The following CPLANE1 variants were observed in gnomAD, a reference collection of about 807,000 sequenced individuals.
CPLANE1 encodes ciliogenesis and planar polarity effector 1.
A neutral mutation model predicts 362.5 loss-of-function variants in CPLANE1; 263 were observed. That is an observed-to-expected ratio of 0.73 (90% CI 0.66 to 0.80). The LOEUF (loss-of-function observed/expected upper bound fraction) is 0.80, where lower values mean the gene tolerates loss of function less well. Among genes scored for constraint, CPLANE1 ranks in the 30% least tolerant of loss-of-function variants. The pLI, the probability that CPLANE1 is intolerant of heterozygous loss-of-function variation, is 0.00. For missense variants in CPLANE1, 3,461 were observed against 3,793.4 expected (o/e 0.91, Z 2.30); for synonymous variants, 1,212 against 1,302.6 (o/e 0.93, Z 1.50).
Position 37,108,350 on chromosome 5 carries a change from C to T in CPLANE1, c.9522G>A (p.Trp3174Ter). The change falls in exon 52 of 53, where the codon TGG becomes TGA. Residue 3174 changes from tryptophan to a stop codon, truncating the protein, a stop_gained. Transcript: ENST00000651892. LOFTEE classifies it high-confidence loss of function. ...YEREETVVSPWTIPSEIHKIL... is the reference protein window; with the variant it reads ...YEREETVVSP ...TCTTATGGATTTCTGAAGGTATCGTCCAGGGACTCACCACAGTCTCCTCTC... is the reference window on the plus strand; with the variant it reads ...TCTTATGGATTTCTGAAGGTATCGTTCAGGGACTCACCACAGTCTCCTCTC... 1.2e-6 allele frequency: 2 copies of T among 1,614,198 alleles called. No individual in the cohort carries two copies. The highest frequency in any genetic ancestry group is 1.7e-6 in the Non-Finnish European group (2 of 1,180,016).
chr5:37,195,762 G>C (rs1335915830), intron 21 of CPLANE1, 96 bp downstream of exon 21: 2 of 1,164,428 alleles, frequency 1.7e-6, no homozygotes, highest in South Asian at 1.7e-5. Flanking sequence ...TAAAATATCA[G>C]AGCATATTGT....
At position 37,221,320 on chromosome 5, in the gene CPLANE1, A is replaced by G. The variant is rs1430023888; in HGVS notation, c.2746+4T>C. On this transcript the variant is annotated splice_donor_region_variant and intron_variant, in intron 15 of 52. Transcript: ENST00000651892. ...AATACAAAGAAAGAAAAAAAAAAGC[A>G]TACCTGAAAAATCTTTATTTTCTTT... 1.3e-6 allele frequency: 2 copies of G among 1,486,396 alleles called. No individual in the cohort carries two copies. The highest frequency in any genetic ancestry group is 1.8e-6 in the Non-Finnish European group (2 of 1,121,160). 92.1% of individuals were successfully genotyped at this position (1,486,396 alleles called of 1,614,324 possible).
intron 16 of CPLANE1, chr5:37,210,784 A>G: frequency 7.9e-7 from 1 of 1,263,182 alleles, no homozygotes; most frequent in Non-Finnish European, 1.2e-6. Flanking sequence ...CGCCTAGCTC[A>G]GCTGGCTCCT....
At chr5:37,117,980 T>C (rs927150055) in intron 50 of CPLANE1, among the ~76,000 whole-genome samples, 5 of 152,268 alleles carry the variant, frequency 3.3e-5, no homozygotes, top group Non-Finnish European at 7.3e-5. Flanking sequence ...TTTAGATATG[T>C]ATTTAATTCT....
chr5:37,085,891 T>C, the CPLANE1 span: 2 of 865,258 alleles, frequency 2.3e-6, no homozygotes, highest in Non-Finnish European at 3.8e-6. Context: ...TTGTACATAA[T>C]TAAAAATAAT....
At chr5:37,137,491 C>T (rs1466444612) in intron 46 of CPLANE1, among the ~76,000 whole-genome samples, 1 of 152,198 alleles carries the variant, frequency 6.6e-6, no homozygotes, top group Non-Finnish European at 1.5e-5. Context: ...GGTATTTTTA[C>T]AGTAGCACCC....
Position 37,226,595 on chromosome 5 carries a change from G to T in CPLANE1, c.2000C>A (p.Thr667Asn). 6.4e-7 allele frequency: 1 copy of T among 1,551,406 alleles called. No individual in the cohort carries two copies. The highest frequency in any genetic ancestry group is 1.2e-5 in the South Asian group (1 of 84,030). ...VGHLIKLTSN[T>N]VKLLLTQQQK... ...TTGCTGAGTCAGCAAAAGTTTTACA[G>T]TATTTGAGGTCAGCTTTATCAAATG... The change falls in exon 12 of 53, where the codon ACT becomes AAT. Residue 667 changes from threonine (T) to asparagine (N), a missense_variant. This residue lies in a region of CPLANE1 where 3,380 missense variants were observed against 3,666.1 expected (regional missense o/e 0.92). Coordinates refer to ENST00000651892, the MANE Select transcript of CPLANE1 (RefSeq NM_001384732.1).
the CPLANE1 span, among the ~76,000 whole-genome samples, chr5:37,091,654 T>A: frequency 6.6e-6 from 1 of 152,174 alleles, no homozygotes; most frequent in Non-Finnish European, 1.5e-5. Flanking sequence ...TGCTAAAACC[T>A]CTCAAGACAT....
rs920807768 is a variant in CPLANE1, at chr5:37,163,236, G to T, written c.7589-670C>A. On this transcript the variant is annotated intron_variant, in intron 37 of 52. Transcript: ENST00000651892. ...GTAATGGTGAGGGATGGGGAAACAGGTTAAATTTAAGAATTACAAAGGAAG... is the reference window on the plus strand; with the variant it reads ...GTAATGGTGAGGGATGGGGAAACAGTTTAAATTTAAGAATTACAAAGGAAG... 3.9e-5 allele frequency among the ~76,000 whole-genome samples: 6 copies of T among 152,280 alleles called. No homozygotes were observed. In the South Asian group the frequency reaches 8.3e-4, roughly 21 times the overall value.
At chr5:37,132,656 A>G (rs543525441) in intron 46 of CPLANE1, among the ~76,000 whole-genome samples, 192 of 152,052 alleles carry the variant, frequency 1.3e-3, no homozygotes, top group African/African-American at 4.4e-3. Context: ...CCAATTGTTC[A>G]AGTTCTTTGT....
Position 37,142,253 on chromosome 5 carries a change from A to G in CPLANE1, c.8632+57T>C, listed in dbSNP as rs1769981660. ...ACTATATTCCCAGTAAATCATGTTC[A>G]GTAACATTATAATGGAGAATAAGAG... is the stretch of plus-strand genomic sequence containing the variant. On this transcript the variant is annotated intron_variant, in intron 44 of 52. Transcript: ENST00000651892. 5 of 1,385,784 alleles carry G rather than the reference A, an allele frequency of 3.6e-6. No homozygotes were observed. The South Asian group carries it at 6.0e-5, about 17-fold the overall frequency. 85.8% of individuals were successfully genotyped at this position (1,385,784 alleles called of 1,614,324 possible).
At chr5:37,114,570 A>G (rs759002767) in intron 51 of CPLANE1, among the ~76,000 whole-genome samples, 11 of 152,308 alleles carry the variant, frequency 7.2e-5, no homozygotes, top group African/African-American at 1.7e-4. Context: ...TCTGAAGTCT[A>G]TATTTGAAAT....
intron 32 of CPLANE1, among the ~76,000 whole-genome samples, chr5:37,172,342 T>C (rs1408740226): frequency 1.3e-5 from 2 of 152,160 alleles, no homozygotes; most frequent in East Asian, 1.9e-4. Flanking sequence ...TACCGACATA[T>C]AGTATGGGCA....
In CPLANE1 at chr5:37,138,600, A is replaced by T; in HGVS notation, c.8792+120T>A. On this transcript the variant is annotated intron_variant, in intron 46 of 52. Coordinates refer to ENST00000651892, the MANE Select transcript of CPLANE1 (RefSeq NM_001384732.1). ...CATATACATAACAAAACATGAAAAA[A>T]AAATCTATTCTAAGCTTCAGATTTG... The T allele has an allele frequency of 2.7e-6, 3 of 1,125,320 alleles. No homozygotes were observed. In the South Asian group the frequency reaches 4.1e-5, roughly 15 times the overall value. 69.7% of individuals were successfully genotyped at this position (1,125,320 alleles called of 1,614,324 possible). A position where few individuals can be genotyped will look rare whatever the true frequency, so the allele number is the denominator to read the frequency against.
At chr5:37,247,798 A>ATTTTTTTT in intron 1 of CPLANE1, 53 bp from the exon 2 acceptor site, 1 of 1,031,702 alleles carries the variant, frequency 9.7e-7, no homozygotes, top group Non-Finnish European at 1.3e-6. Context: ...TTCACTGGGC[A>ATTTTTTTT]TTTTTTTTTT....
rs2150247979 is a variant in CPLANE1, at chr5:37,213,622, G to A, written c.2857C>T (p.Gln953Ter). 6.5e-7 allele frequency: 1 copy of A among 1,548,670 alleles called. No individual in the cohort carries two copies. Residue 953 changes from glutamine to a stop codon, truncating the protein, a stop_gained, in exon 16 of 53, where the codon CAG (glutamine) becomes TAG (stop). Transcript: ENST00000651892. LOFTEE classifies it high-confidence loss of function. Reference sequence around the variant, plus strand: ...TGAGGGGGCAAAATGCAAAGCTGCTGATTGGTGAAATAGGCAGCCATGAAA... The same window carrying A: ...TGAGGGGGCAAAATGCAAAGCTGCTAATTGGTGAAATAGGCAGCCATGAAA... ...ARFMAAYFTN[Q>*]QLCILPPHHV...
intron 44 of CPLANE1, chr5:37,139,840 G>A (rs1380796217): frequency 1.0e-5 from 10 of 985,604 alleles, no homozygotes; most frequent in East Asian, 1.1e-4. Context: ...ATGGGCCATC[G>A]CACCCAGCCA....
chr5:37,236,155 C>G (rs1419538557), intron 8 of CPLANE1, among the ~76,000 whole-genome samples: 1 of 152,096 alleles, frequency 6.6e-6, no homozygotes, highest in Non-Finnish European at 1.5e-5. Flanking sequence ...AGCCACCATG[C>G]CCAGCCTACT....
intron 6 of CPLANE1, among the ~76,000 whole-genome samples, chr5:37,241,370 G>A (rs918074350): frequency 5.3e-5 from 8 of 152,096 alleles, no homozygotes; most frequent in Non-Finnish European, 8.8e-5. Context: ...CAGGAGAATC[G>A]CTTGAACCTG....
Sources: allele counts gnomAD v4.1 joint callset (sites outside exome capture counted in the v4.1 genomes callset), GRCh38; gene constraint gnomAD v4.1.1; regional missense constraint gnomAD v4.1.1; transcripts MANE v1.5; gene names NCBI Gene and HGNC (gene_info 2026-07-23, HGNC 2026-07-21).